Variants in CKAP5 observed in about 807,000 individuals in gnomAD.
The protein encoded by CKAP5 is cytoskeleton-associated protein 5.
A neutral mutation model predicts 232.8 loss-of-function variants in CKAP5; 27 were observed. The ratio of observed to expected loss-of-function variants is 0.12; its 90% CI spans 0.09 to 0.16. The LOEUF (loss-of-function observed/expected upper bound fraction) is 0.16, where lower values mean the gene tolerates loss of function less well. Among genes scored for constraint, CKAP5 ranks in the 10% least tolerant of loss-of-function variants. CKAP5 has a pLI of 1.00. For missense variants in CKAP5, 1,838 were observed against 2,424.7 expected, an observed-to-expected ratio of 0.76 and a Z score of 5.08; for synonymous variants, 785 against 841.1, an observed-to-expected ratio of 0.93 and a Z score of 1.16.
intron 18 of CKAP5, among the ~76,000 whole-genome samples, chr11:46,782,785 A>G (rs1406066954): frequency 6.6e-6 from 1 of 152,236 alleles, no homozygotes; most frequent in Non-Finnish European, 1.5e-5. Flanking sequence ...TATGATTTAG[A>G]AAGTGCTTTT....
At position 46,751,508 on chromosome 11, in the gene CKAP5, C is replaced by T; in HGVS notation, c.5160G>A (p.Leu1720=). The T allele has an allele frequency of 6.2e-7, 1 of 1,612,810 alleles. No individual in the cohort carries two copies. The highest frequency in any genetic ancestry group is 1.1e-5 in the South Asian group (1 of 90,842). Reference sequence around the variant, plus strand: ...GGTTAATGCTATTGATGGTATCAGGCAACAGTCGAACCATTCTCCAGAGAC... The same window carrying T: ...GGTTAATGCTATTGATGGTATCAGGTAACAGTCGAACCATTCTCCAGAGAC... The part of the protein sequence containing the change: ...MKCLWRMVRL[L]PDTINSINLD... Residue 1720 remains leucine, a synonymous_variant, in exon 39 of 44, where the codon TTG becomes TTA. Coordinates refer to ENST00000529230, the MANE Select transcript of CKAP5 (RefSeq NM_001008938.4).
chr11:46,799,017 T>C (rs2134652895), intron 9 of CKAP5, among the ~76,000 whole-genome samples: 1 of 152,322 alleles, frequency 6.6e-6, no homozygotes, highest in African/African-American at 2.4e-5. Flanking sequence ...CTTCTCAACC[T>C]ATTTGCCGCC....
intron 29 of CKAP5, 91 bp from the exon 30 acceptor site, chr11:46,763,270 C>A: frequency 8.6e-7 from 1 of 1,166,300 alleles, no homozygotes; most frequent in South Asian, 1.5e-5. Flanking sequence ...TTATTGGAGC[C>A]CAAAAAGAAA....
At chr11:46,761,855 C>G in intron 32 of CKAP5, 145 bp downstream of exon 32, 1 of 591,510 alleles carries the variant, frequency 1.7e-6, no homozygotes, top group Non-Finnish European at 2.9e-6. Context: ...AAGGGTCTAT[C>G]TGGATTCTAG....
rs867520006 is a variant in CKAP5, at chr11:46,750,976, A to C, written c.5460+142T>G. 5 of 952,234 alleles carry C rather than the reference A, an allele frequency of 5.3e-6. 1 individual carries two copies. The highest frequency in any genetic ancestry group is 3.3e-5 in the South Asian group (2 of 59,914). The allele number at this position is 952,234 out of a possible 1,614,324, so 59.0% of individuals were successfully genotyped here. A position where few individuals can be genotyped will look rare whatever the true frequency, so the allele number is the denominator to read the frequency against. On this transcript the variant is annotated intron_variant, in intron 40 of 43. Coordinates refer to ENST00000529230, the MANE Select transcript of CKAP5 (RefSeq NM_001008938.4). ...ATTTCAAGGTGGAAATGGTTACTGC[A>C]CCACAGCAGGAGACTGATTCAACCA...
At chr11:46,798,314 C>T (rs886271055) in intron 9 of CKAP5, 142 bp from the exon 10 acceptor site, 6 of 654,566 alleles carry the variant, frequency 9.2e-6, no homozygotes, top group African/African-American at 5.5e-5. Context: ...GTGACTCATG[C>T]CTGTAATCCC....
At chr11:46,793,323 G>A (rs1257533883) in intron 13 of CKAP5, among the ~76,000 whole-genome samples, 1 of 152,230 alleles carries the variant, frequency 6.6e-6, no homozygotes, top group Non-Finnish European at 1.5e-5. Context: ...TCCATGCTGA[G>A]TGGTTCAAGA....
chr11:46,770,338 C>T (rs1184800175), intron 25 of CKAP5: 16 of 521,664 alleles, frequency 3.1e-5, no homozygotes, highest in Non-Finnish European at 5.1e-5. Flanking sequence ...ATTTTTACTT[C>T]TACACTGCTT....
chr11:46,757,269 G>C (rs997824027), intron 35 of CKAP5, among the ~76,000 whole-genome samples: 3 of 151,032 alleles, frequency 2.0e-5, no homozygotes, highest in Admixed American at 1.3e-4. Flanking sequence ...GAGGCAGGTG[G>C]ATCACCTGAG....
At position 46,818,579 on chromosome 11, in the gene CKAP5, G is replaced by A; in HGVS notation, c.58-76C>T. On this transcript the variant is annotated intron_variant, in intron 2 of 43. Coordinates refer to ENST00000529230, the MANE Select transcript of CKAP5 (RefSeq NM_001008938.4). ...ATCTACTATTAATCTGGGGGGGGAG[G>A]GTGTGAGAATAGAAATGAATATCCT... 6.6e-6 allele frequency: 7 copies of A among 1,053,096 alleles called. No individual in the cohort carries two copies. In the South Asian group the frequency reaches 6.8e-5, roughly 10 times the overall value. 65.2% of individuals were successfully genotyped at this position (1,053,096 alleles called of 1,614,324 possible).
chr11:46,767,032 T>C (rs1240478394), intron 27 of CKAP5, among the ~76,000 whole-genome samples: 1 of 150,068 alleles, frequency 6.7e-6, no homozygotes, highest in Non-Finnish European at 1.5e-5. Flanking sequence ...TTTCTCCTTT[T>C]TTTTTTTTTT....
At position 46,778,177 on chromosome 11, in the gene CKAP5, C is replaced by T; in HGVS notation, c.2710G>A (p.Ala904Thr). The T allele has an allele frequency of 6.2e-7, 1 of 1,614,040 alleles. No individual in the cohort carries two copies. The highest frequency in any genetic ancestry group is 1.3e-5 in the African/African-American group (1 of 75,036). ...GAATCATTGAGTCGACCCTTCAAGG[C>T]AGTTGGAAGTTCACCTATATTCGGT... ...IQPNIGELPTALKGRLNDSNK... is the reference protein window; with the variant it reads ...IQPNIGELPTTLKGRLNDSNK... Residue 904 changes from alanine (A) to threonine (T), a missense_variant, in exon 22 of 44, where the codon GCC becomes ACC. By Grantham distance (58) the Ala-to-Thr change is moderately conservative. Transcript: ENST00000529230.
At chr11:46,748,786 C>G (rs2065040911) in intron 42 of CKAP5, among the ~76,000 whole-genome samples, 1 of 151,848 alleles carries the variant, frequency 6.6e-6, no homozygotes, top group Admixed American at 6.6e-5. Flanking sequence ...CAAAACAAAA[C>G]AAAAGTCAAT....
At chr11:46,831,850 A>G (rs1322284781) in intron 1 of CKAP5, among the ~76,000 whole-genome samples, 1 of 143,064 alleles carries the variant, frequency 7.0e-6, no homozygotes, top group African/African-American at 2.6e-5. Flanking sequence ...TAAATATACA[A>G]TAAACTTATC....
intron 6 of CKAP5, 119 bp from the exon 7 acceptor site, chr11:46,809,619 G>C: frequency 7.4e-7 from 1 of 1,355,998 alleles, no homozygotes; most frequent in Non-Finnish European, 1.0e-6. Context: ...AGTTATTAAA[G>C]CTACATGCAA....
chr11:46,800,943 C>A (rs1565742599), intron 9 of CKAP5, among the ~76,000 whole-genome samples: 1 of 150,866 alleles, frequency 6.6e-6, no homozygotes, highest in African/African-American at 2.4e-5. Context: ...AAGTAATAAG[C>A]AAATAAATAA....
intron 13 of CKAP5, among the ~76,000 whole-genome samples, chr11:46,795,154 T>C (rs4281449): frequency 0.97 from 148,317 of 152,190 alleles, 72,382 homozygotes; most frequent in Middle Eastern, 1. Flanking sequence ...CATGGCAAAT[T>C]CCCATCTCTA....
chr11:46,828,354 A>G (rs1939701548), intron 1 of CKAP5, among the ~76,000 whole-genome samples: 1 of 152,314 alleles, frequency 6.6e-6, no homozygotes, highest in South Asian at 2.1e-4. Context: ...TCATTCTACA[A>G]TGCATTTAAC....
At chr11:46,821,006 T>A (rs1939511044) in intron 2 of CKAP5, 169 bp downstream of exon 2, 1 of 543,056 alleles carries the variant, frequency 1.8e-6, no homozygotes, top group South Asian at 2.6e-5. Context: ...AAAAAATTTT[T>A]AGTTGAGCTA....
Sources: allele counts gnomAD v4.1 joint callset (sites outside exome capture counted in the v4.1 genomes callset), GRCh38; gene constraint gnomAD v4.1.1; transcripts MANE v1.5; gene names NCBI Gene and HGNC (gene_info 2026-07-23, HGNC 2026-07-21).